Variants in SLC7A14 observed in about 807,000 individuals in gnomAD.
The protein encoded by SLC7A14 is solute carrier family 7 member 14.
SLC7A14 carries 37 observed loss-of-function variants against 60.2 expected under a neutral mutation model. That is an observed-to-expected ratio of 0.61 (90% CI 0.47 to 0.81). The LOEUF (loss-of-function observed/expected upper bound fraction) is 0.81, where lower values mean the gene tolerates loss of function less well. SLC7A14 is among the 30% of genes least tolerant of loss of function. The pLI, the probability that SLC7A14 is intolerant of heterozygous loss-of-function variation, is 0.00. For synonymous variants in SLC7A14, 399 were observed against 395.8 expected (o/e 1.01, Z -0.10); for missense variants, 886 against 982.7 (o/e 0.90, Z 1.32).
chr3:170,567,506 G>T (rs13095098), intron 1 of SLC7A14, among the ~76,000 whole-genome samples: 4 of 151,596 alleles, frequency 2.6e-5, no homozygotes, highest in South Asian at 4.2e-4. Flanking sequence ...TGATTTATAG[G>T]CCTTTGGGTA....
chr3:170,524,713 A>G (rs1424511803), intron 2 of SLC7A14, among the ~76,000 whole-genome samples: 1 of 152,238 alleles, frequency 6.6e-6, no homozygotes, highest in Admixed American at 6.5e-5. Context: ...TTGCTATCAC[A>G]TTAATAGAAT....
At chr3:170,479,175 A>AC (rs1711731821) in intron 7 of SLC7A14, among the ~76,000 whole-genome samples, 6 of 150,904 alleles carry the variant, frequency 4.0e-5, no homozygotes, top group Non-Finnish European at 8.9e-5. Flanking sequence ...AACAACAACA[A>AC]AAAGAGTCTC....
At chr3:170,531,876 G>A (rs894534280) in intron 1 of SLC7A14, among the ~76,000 whole-genome samples, 3 of 152,136 alleles carry the variant, frequency 2.0e-5, no homozygotes, top group East Asian at 3.9e-4. Context: ...GCATGCTCGA[G>A]GGTTCAGTGG....
At chr3:170,567,215 G>C (rs1714819116) in intron 1 of SLC7A14, among the ~76,000 whole-genome samples, 1 of 140,152 alleles carries the variant, frequency 7.1e-6, no homozygotes, top group Non-Finnish European at 1.5e-5. Flanking sequence ...GTGTCCATGT[G>C]TTCTCACTGT....
At chr3:170,497,040 C>T (rs1237011467) in intron 4 of SLC7A14, among the ~76,000 whole-genome samples, 1 of 148,446 alleles carries the variant, frequency 6.7e-6, no homozygotes. Flanking sequence ...TGCTTGGGGA[C>T]CCCCCTTGCC....
intron 3 of SLC7A14, among the ~76,000 whole-genome samples, chr3:170,499,241 A>T (rs1186523288): frequency 1.2e-5 from 1 of 86,546 alleles, no homozygotes; most frequent in Admixed American, 1.2e-4. Context: ...TGTCTCAAAA[A>T]AAAAAAAAAA....
intron 2 of SLC7A14, among the ~76,000 whole-genome samples, chr3:170,517,449 A>G (rs138134314): frequency 1.1e-3 from 173 of 152,342 alleles, no homozygotes; most frequent in Middle Eastern, 0.01. Context: ...CTGTGGAATG[A>G]ATGACTAATC....
chr3:170,522,607 AC>A (rs1713368765), intron 2 of SLC7A14, among the ~76,000 whole-genome samples: 1 of 152,202 alleles, frequency 6.6e-6, no homozygotes, highest in Non-Finnish European at 1.5e-5. Flanking sequence ...GGGACTGAAA[AC>A]AAATTAGTGG....
chr3:170,566,742 C>T (rs1714800517), intron 1 of SLC7A14, among the ~76,000 whole-genome samples: 1 of 151,732 alleles, frequency 6.6e-6, no homozygotes, highest in Non-Finnish European at 1.5e-5. Flanking sequence ...TAATAAAATA[C>T]TTCTTTAAGA....
chr3:170,475,720 CT>C (rs965790399), intron 7 of SLC7A14, among the ~76,000 whole-genome samples: 9 of 148,504 alleles, frequency 6.1e-5, no homozygotes, highest in African/African-American at 9.9e-5. Context: ...AATCACATTT[CT>C]TTTTTTTTTG....
chr3:170,530,627 C>T (rs1036864574), intron 1 of SLC7A14, among the ~76,000 whole-genome samples: 3 of 152,198 alleles, frequency 2.0e-5, no homozygotes, highest in African/African-American at 7.2e-5. Context: ...AGATGACTTA[C>T]TTTCTAAAAG....
chr3:170,545,871 C>T (rs1714162473), intron 1 of SLC7A14, among the ~76,000 whole-genome samples: 1 of 152,206 alleles, frequency 6.6e-6, no homozygotes, highest in African/African-American at 2.4e-5. Context: ...TATGTTAACT[C>T]ATAGTAAGCT....
chr3:170,569,997 G>A (rs1248759672), intron 1 of SLC7A14: 1 of 151,924 alleles, frequency 6.6e-6, no homozygotes, highest in Non-Finnish European at 1.5e-5. Flanking sequence ...GGGTTTTTTA[G>A]TTTTAAACTT....
At chr3:170,548,763 G>C (rs1256481637) in intron 1 of SLC7A14, among the ~76,000 whole-genome samples, 2 of 152,218 alleles carry the variant, frequency 1.3e-5, no homozygotes, top group African/African-American at 2.4e-5. Context: ...TAACCCTTCA[G>C]GTCTCACTCT....
At chr3:170,570,154 C>G (rs1714906416) in intron 1 of SLC7A14, 1 of 152,084 alleles carries the variant, frequency 6.6e-6, no homozygotes, top group Non-Finnish European at 1.5e-5. Flanking sequence ...GAGAAAATCA[C>G]CTTAAAAGTC....
In SLC7A14 at chr3:170,480,392, A is replaced by C. The variant is rs147757465; in HGVS notation, c.1890T>G (p.Pro630=). Reference sequence around the variant, plus strand: ...CAAAGGCAGGCACAAAGGGGAGGCAAGGGGCCATGTAGGGCAGCTTCTTGG... The same window carrying C: ...CAAAGGCAGGCACAAAGGGGAGGCACGGGGCCATGTAGGGCAGCTTCTTGG... The part of the protein sequence containing the change: ...ENPKKLPYMA[P]CLPFVPAFAM... Residue 630 remains proline, a synonymous_variant, in exon 7 of 8, where the codon CCT becomes CCG. Transcript: ENST00000231706. 1,097 of 1,612,088 alleles carry C rather than the reference A, an allele frequency of 6.8e-4. 10 individuals carry two copies. The East Asian group carries it at 0.017, about 24-fold the overall frequency.
At chr3:170,547,469 A>G (rs535763045) in intron 1 of SLC7A14, among the ~76,000 whole-genome samples, 1 of 152,310 alleles carries the variant, frequency 6.6e-6, no homozygotes, top group East Asian at 1.9e-4. Context: ...TTTGTATGTC[A>G]TATATATTAT....
intron 1 of SLC7A14, among the ~76,000 whole-genome samples, chr3:170,547,334 C>T (rs929001808): frequency 2.0e-5 from 3 of 152,150 alleles, no homozygotes; most frequent in African/African-American, 7.2e-5. Context: ...AACACTGGGG[C>T]TAGGGGTGCC....
chr3:170,571,459 CT>C (rs1414397220), intron 1 of SLC7A14, among the ~76,000 whole-genome samples: 2 of 152,094 alleles, frequency 1.3e-5, no homozygotes, highest in Non-Finnish European at 2.9e-5. Context: ...ATTTTGTTTC[CT>C]TGACAGTTAC....
Sources: gnomAD v4.1 joint callset for allele counts (sites outside exome capture counted in the v4.1 genomes callset) on GRCh38, gnomAD v4.1.1 for gene constraint, MANE v1.5 for transcripts, NCBI Gene and HGNC (gene_info 2026-07-23, HGNC 2026-07-21) for gene names.